The following AGPAT4 variants were observed in gnomAD, a reference collection of about 807,000 sequenced individuals.
The protein encoded by AGPAT4 is 1-acylglycerol-3-phosphate O-acyltransferase 4, also known as 1-acyl-sn-glycerol-3-phosphate acyltransferase delta.
Under a neutral mutation model 48.0 loss-of-function variants are expected in AGPAT4, and 15 were observed. The observed-to-expected ratio is 0.31, with a 90% confidence interval of 0.21 to 0.48. The LOEUF (loss-of-function observed/expected upper bound fraction) is 0.48, where lower values mean the gene tolerates loss of function less well. Among genes scored for constraint, AGPAT4 ranks in the 20% least tolerant of loss-of-function variants. The pLI, the probability that AGPAT4 is intolerant of heterozygous loss-of-function variation, is 0.99. For synonymous variants in AGPAT4, 178 were observed against 198.7 expected (o/e 0.90, Z 0.88); for missense variants, 314 against 482.5 (o/e 0.65, Z 3.27).
Position 161,146,732 on chromosome 6 carries a change from A to C in AGPAT4, c.768-133T>G, listed in dbSNP as rs768374661. The C allele has an allele frequency of 2.0e-5, 15 of 765,882 alleles. No individual in the cohort carries two copies. Among genetic ancestry groups the C allele is most frequent in the Non-Finnish European group, 3.2e-5 (15 of 467,198 alleles). The allele number at this position is 765,882 out of a possible 1,614,324, so 47.4% of individuals were successfully genotyped here. A position where few individuals can be genotyped will look rare whatever the true frequency, so the allele number is the denominator to read the frequency against. On this transcript the variant is annotated intron_variant, in intron 6 of 8. Transcript: ENST00000320285. The surrounding 1 kb of genome is among the most constrained non-coding windows in gnomAD (Gnocchi z 7.1). ...AATGTGGAACTGAAGAGAGTAATGC[A>C]AGTGATAGAAAGAAGGGGCGTTCCA... is the stretch of plus-strand genomic sequence containing the variant.
chr6:161,210,678 G>C (rs1466840095), intron 2 of AGPAT4, among the ~76,000 whole-genome samples: 3 of 152,124 alleles, frequency 2.0e-5, no homozygotes, highest in Non-Finnish European at 4.4e-5. Flanking sequence ...AGTAGTATTA[G>C]AAATGTCTTA....
chr6:161,194,488 GTGTA>G (rs1179271496), intron 2 of AGPAT4, among the ~76,000 whole-genome samples: 1 of 146,168 alleles, frequency 6.8e-6, no homozygotes, highest in South Asian at 2.1e-4. Flanking sequence ...GCATGTATGT[GTGTA>G]TGTGTGTGTG....
rs376245990 is a variant in AGPAT4, at chr6:161,132,429, C to T, written c.*4111G>A. ...AGCCTGAGATTCAAGATGCTGGTCT[C>T]TTCTGAACACACCGTGGAGCAATGT... On this transcript the variant is annotated 3_prime_UTR_variant, in exon 9 of 9. Transcript: ENST00000320285. The T allele has an allele frequency of 2.6e-5, 4 of 152,410 alleles. No individual in the cohort carries two copies. In the South Asian group the frequency reaches 6.2e-4, roughly 24 times the overall value. The allele number at this position is 152,410 out of a possible 1,614,324, so 9.4% of individuals were successfully genotyped here. A position where few individuals can be genotyped will look rare whatever the true frequency, so the allele number is the denominator to read the frequency against.
intron 2 of AGPAT4, among the ~76,000 whole-genome samples, chr6:161,187,754 G>A (rs1292633628): frequency 1.3e-5 from 2 of 152,066 alleles, no homozygotes; most frequent in Non-Finnish European, 2.9e-5. Flanking sequence ...ATGTTGGCCA[G>A]CCTGGTCTCA....
Position 161,154,965 on chromosome 6 carries a change from C to T in AGPAT4, c.349-655G>A, listed in dbSNP as rs930942128. On this transcript the variant is annotated intron_variant, in intron 3 of 8. Transcript: ENST00000320285. This position sits in a 1 kb window ranked among gnomAD's most constrained non-coding sequence, Gnocchi z 7.8. ...CGGAGCCCAGTGGGATCTCCGGGTACAGCTGGTCCAAGCTGGGAGTAAAAC... is the reference window on the plus strand; with the variant it reads ...CGGAGCCCAGTGGGATCTCCGGGTATAGCTGGTCCAAGCTGGGAGTAAAAC... 1.3e-5 allele frequency among the ~76,000 whole-genome samples: 2 copies of T among 152,234 alleles called. No homozygotes were observed. The highest frequency in any genetic ancestry group is 2.4e-5 in the African/African-American group (1 of 41,466).
At position 161,217,502 on chromosome 6, in the gene AGPAT4, G is replaced by A. The variant is rs115646719; in HGVS notation, c.178+14534C>T. On this transcript the variant is annotated intron_variant, in intron 2 of 8. Coordinates refer to ENST00000320285, the MANE Select transcript of AGPAT4 (RefSeq NM_020133.3). This position sits in a 1 kb window ranked among gnomAD's most constrained non-coding sequence, Gnocchi z 4.9. ...TGCTTCTCCCTGTGTGTCCCTGGGG[G>A]AGTCCATCAGGTGCATGGTAATCCA... 2.9e-3 allele frequency among the ~76,000 whole-genome samples: 437 copies of A among 152,308 alleles called. 2 individuals are homozygous for A. The highest frequency in any genetic ancestry group is 0.01 in the African/African-American group (423 of 41,566).
chr6:161,156,287 G>A (rs1167186702), intron 3 of AGPAT4, among the ~76,000 whole-genome samples: 1 of 152,238 alleles, frequency 6.6e-6, no homozygotes, highest in South Asian at 2.1e-4. Context: ...GCTTTTGTAA[G>A]TGACGTCCTG....
At position 161,156,876 on chromosome 6, in the gene AGPAT4, G is replaced by C. The variant is rs1405475509; in HGVS notation, c.349-2566C>G. Among the ~76,000 whole-genome samples the C allele has an allele frequency of 9.9e-3, 1,508 of 152,366 alleles. 27 individuals carry two copies. The highest frequency in any genetic ancestry group is 0.034 in the African/African-American group (1,432 of 41,584). ...ATCTGTGCCTTAAGGACATGCTCCT[G>C]CTGCAGTTAACTAGCCCAACCTATT... is the stretch of plus-strand genomic sequence containing the variant. On this transcript the variant is annotated intron_variant, in intron 3 of 8. Transcript: ENST00000320285.
rs1780203511 is a variant in AGPAT4 at position 161,169,395 on chromosome 6, C to T, written c.179-2978G>A. On this transcript the variant is annotated intron_variant, in intron 2 of 8. Coordinates refer to ENST00000320285, the MANE Select transcript of AGPAT4 (RefSeq NM_020133.3). The surrounding 1 kb of genome is among the most constrained non-coding windows in gnomAD (Gnocchi z 5.0). ...GGAAGACCAAATTTCCCACTCACCT[C>T]AGCAGGCTGCTCACTAGACAACTAA... Among the ~76,000 whole-genome samples the T allele has an allele frequency of 6.6e-6, 1 of 152,216 alleles. No individual in the cohort carries two copies. The highest frequency in any genetic ancestry group is 1.5e-5 in the Non-Finnish European group (1 of 68,038).
In AGPAT4 at chr6:161,133,395, G is replaced by C. The variant is rs973053616; in HGVS notation, c.*3145C>G. 5 of 152,328 alleles carry C rather than the reference G, an allele frequency of 3.3e-5. No homozygotes were observed. Among genetic ancestry groups the C allele is most frequent in the Middle Eastern group, 3.4e-3 (1 of 294 alleles). 9.4% of individuals were successfully genotyped at this position (152,328 alleles called of 1,614,324 possible). A position where few individuals can be genotyped will look rare whatever the true frequency, so the allele number is the denominator to read the frequency against. On this transcript the variant is annotated 3_prime_UTR_variant, in exon 9 of 9. Coordinates refer to ENST00000320285, the MANE Select transcript of AGPAT4 (RefSeq NM_020133.3). Reference sequence around the variant, plus strand: ...ATGCATTTGTTTAGAGGATATTGCAGTCGAGATATTCCAGTACTACTGTGT... The same window carrying C: ...ATGCATTTGTTTAGAGGATATTGCACTCGAGATATTCCAGTACTACTGTGT...
At chr6:161,265,431 T>TG (rs1327821034) in intron 1 of AGPAT4, among the ~76,000 whole-genome samples, 14 of 139,322 alleles carry the variant, frequency 1.0e-4, no homozygotes, top group Admixed American at 1.4e-4. Context: ...GACTGGGTGC[T>TG]GACTAGTACC....
chr6:161,182,042 A>G (rs945911539), intron 2 of AGPAT4, among the ~76,000 whole-genome samples: 1 of 152,092 alleles, frequency 6.6e-6, no homozygotes, highest in Non-Finnish European at 1.5e-5. Context: ...GAAATGATGA[A>G]AACATTTGAG....
chr6:161,216,294 G>A lies in AGPAT4; in HGVS notation c.178+15742C>T, dbSNP rs1781645481. ...TTCAGGGCTCTCAGAGTAAAGCCAT[G>A]AAACAGAATAGGCAACAGCAGCCCC... On this transcript the variant is annotated intron_variant, in intron 2 of 8. Transcript: ENST00000320285. The surrounding 1 kb of genome is among the most constrained non-coding windows in gnomAD (Gnocchi z 4.8). 1.3e-5 allele frequency among the ~76,000 whole-genome samples: 2 copies of A among 152,224 alleles called. No homozygotes were observed. The highest frequency in any genetic ancestry group is 4.1e-4 in the South Asian group (2 of 4,826).
rs1302290273 is a variant in AGPAT4, at chr6:161,236,613, G to A, written c.-89-4311C>T. On this transcript the variant is annotated intron_variant, in intron 1 of 8. Coordinates refer to ENST00000320285, the MANE Select transcript of AGPAT4 (RefSeq NM_020133.3). This position sits in a 1 kb window ranked among gnomAD's most constrained non-coding sequence, Gnocchi z 5.0. ...CGATGAGGGCTTAAAGCAGTAAAAGGAAAGGGGAGGCCGGGAGCAGTGGCT... is the reference window on the plus strand; with the variant it reads ...CGATGAGGGCTTAAAGCAGTAAAAGAAAAGGGGAGGCCGGGAGCAGTGGCT... 1.3e-5 allele frequency among the ~76,000 whole-genome samples: 2 copies of A among 152,100 alleles called. No individual in the cohort carries two copies. Among genetic ancestry groups the A allele is most frequent in the Non-Finnish European group, 2.9e-5 (2 of 68,018 alleles).
chr6:161,247,163 A>G (rs1401286471), intron 1 of AGPAT4, among the ~76,000 whole-genome samples: 1 of 152,264 alleles, frequency 6.6e-6, no homozygotes, highest in Non-Finnish European at 1.5e-5. Context: ...AGGAACTCAG[A>G]TGTCGGTTGA....
rs985147072 is a variant in AGPAT4 at position 161,218,790 on chromosome 6, T to C, written c.178+13246A>G. On this transcript the variant is annotated intron_variant, in intron 2 of 8. Transcript: ENST00000320285. The surrounding 1 kb of genome is among the most constrained non-coding windows in gnomAD (Gnocchi z 4.7). ...TGGCAGAGGTGAAAAAACACTGTTA[T>C]CTACCAAACAGTATGATAAAACACT... Among the ~76,000 whole-genome samples, 2 of 151,682 alleles carry C rather than the reference T, an allele frequency of 1.3e-5. No homozygotes were observed. The highest frequency in any genetic ancestry group is 2.9e-5 in the Non-Finnish European group (2 of 67,868).
Position 161,261,646 on chromosome 6 carries a change from T to C in AGPAT4, c.-90+12292A>G, listed in dbSNP as rs1343182896. Among the ~76,000 whole-genome samples, 1 of 152,216 alleles carries C rather than the reference T, an allele frequency of 6.6e-6. No individual in the cohort carries two copies. Among genetic ancestry groups the C allele is most frequent in the Non-Finnish European group, 1.5e-5 (1 of 68,038 alleles). ...TACCTTCCACAAATCCAGCTAATCATGTAGTGTTTGTAAGCTACATTTGAC... is the reference window on the plus strand; with the variant it reads ...TACCTTCCACAAATCCAGCTAATCACGTAGTGTTTGTAAGCTACATTTGAC... On this transcript the variant is annotated intron_variant, in intron 1 of 8. Coordinates refer to ENST00000320285, the MANE Select transcript of AGPAT4 (RefSeq NM_020133.3). This position sits in a 1 kb window ranked among gnomAD's most constrained non-coding sequence, Gnocchi z 5.3.
rs1257194133 is a variant in AGPAT4, at chr6:161,244,582, C to T, written c.-89-12280G>A. Among the ~76,000 whole-genome samples, 1 of 152,118 alleles carries T rather than the reference C, an allele frequency of 6.6e-6. No homozygotes were observed. The highest frequency in any genetic ancestry group is 2.4e-5 in the African/African-American group (1 of 41,410). On this transcript the variant is annotated intron_variant, in intron 1 of 8. Coordinates refer to ENST00000320285, the MANE Select transcript of AGPAT4 (RefSeq NM_020133.3). The surrounding 1 kb of genome is among the most constrained non-coding windows in gnomAD (Gnocchi z 4.7). ...TTAAGCTGGCTCCATTATGGCTAAA[C>T]AAACTCACATTTTGATGCTGTGTGA...
chr6:161,147,832 C>T lies in AGPAT4; in HGVS notation c.768-1233G>A, dbSNP rs1779476248. ...CCTTTTCAGCAACTTGACATTATCG[C>T]CCTTGATGTTTCAGTGCTTTGTACT... On this transcript the variant is annotated intron_variant, in intron 6 of 8. Transcript: ENST00000320285. This position sits in a 1 kb window ranked among gnomAD's most constrained non-coding sequence, Gnocchi z 4.8. Among the ~76,000 whole-genome samples, 1 of 152,136 alleles carries T rather than the reference C, an allele frequency of 6.6e-6. No individual in the cohort carries two copies. The highest frequency in any genetic ancestry group is 2.4e-5 in the African/African-American group (1 of 41,430).
Sources: gnomAD v4.1 joint callset for allele counts (sites outside exome capture counted in the v4.1 genomes callset) on GRCh38, gnomAD v4.1.1 for gene constraint, Gnocchi (gnomAD v3.1) non-coding constraint, MANE v1.5 for transcripts, NCBI Gene and HGNC (gene_info 2026-07-23, HGNC 2026-07-21) for gene names.